Variants in COL5A1 observed in about 807,000 individuals in gnomAD.
COL5A1 encodes collagen type V alpha 1 chain.
A neutral mutation model predicts 263.7 loss-of-function variants in COL5A1; 16 were observed. That is an observed-to-expected ratio of 0.06 (90% CI 0.04 to 0.09). The LOEUF is 0.09. Ranked by LOEUF, COL5A1 falls within the 10% of genes least tolerant of loss-of-function variation. The probability of loss-of-function intolerance (pLI) is 1.00; values close to 1 mark genes in which losing one functional copy is unlikely to be tolerated. For synonymous variants in COL5A1, 1,012 were observed against 1,004.5 expected, an observed-to-expected ratio of 1.01 and a Z score of -0.14; for missense variants, 2,036 against 2,540.5, an observed-to-expected ratio of 0.80 and a Z score of 4.27.
rs1326079771 is a variant in COL5A1, at chr9:134,818,252, G to T, written c.4231-404G>T. ...AAGATGGGACGCCGTCACCCATGCA[G>T]TTGGCTTGGGGCCTGGCCCAGAGCA... On this transcript the variant is annotated intron_variant, in intron 54 of 65. Coordinates refer to ENST00000371817, the MANE Select transcript of COL5A1 (RefSeq NM_000093.5). This position sits in a 1 kb window ranked among gnomAD's most constrained non-coding sequence, Gnocchi z 6.0. 6.6e-6 allele frequency among the ~76,000 whole-genome samples: 1 copy of T among 152,228 alleles called. No individual in the cohort carries two copies.
intron 63 of COL5A1, among the ~76,000 whole-genome samples, chr9:134,828,260 C>CA (rs1839377577): frequency 6.6e-6 from 1 of 152,168 alleles, no homozygotes; most frequent in East Asian, 1.9e-4. Flanking sequence ...CTGCTGGGCC[C>CA]AGCCTGTGTG....
chr9:134,739,184 T>C (rs1420574727), intron 11 of COL5A1, among the ~76,000 whole-genome samples: 2 of 152,210 alleles, frequency 1.3e-5, no homozygotes, highest in Non-Finnish European at 2.9e-5. Flanking sequence ...CCCCCCTTGC[T>C]GGGTTTGGGA....
At chr9:134,788,279 G>A (rs1476164052) in intron 31 of COL5A1, among the ~76,000 whole-genome samples, 2 of 149,634 alleles carry the variant, frequency 1.3e-5, no homozygotes, top group Non-Finnish European at 3.0e-5. Flanking sequence ...TGGATGAATG[G>A]ATGGGTGGGC....
intron 37 of COL5A1, 107 bp from the exon 38 acceptor site, chr9:134,801,847 C>T (rs1414299016): frequency 2.0e-6 from 2 of 1,000,238 alleles, no homozygotes; most frequent in Non-Finnish European, 3.2e-6. Flanking sequence ...GGAACATCTA[C>T]TCTGGGGGGA....
At chr9:134,675,495 A>T in intron 1 of COL5A1, among the ~76,000 whole-genome samples, 1 of 152,236 alleles carries the variant, frequency 6.6e-6, no homozygotes, top group East Asian at 1.9e-4. Context: ...TTTCTGTTGT[A>T]CACATCTTGT....
At position 134,696,577 on chromosome 9, in the gene COL5A1, C is replaced by T. The variant is rs1358547860; in HGVS notation, c.278-3332C>T. 6.6e-6 allele frequency among the ~76,000 whole-genome samples: 1 copy of T among 152,184 alleles called. No homozygotes were observed. The highest frequency in any genetic ancestry group is 2.4e-5 in the African/African-American group (1 of 41,430). On this transcript the variant is annotated intron_variant, in intron 2 of 65. Transcript: ENST00000371817. This position sits in a 1 kb window ranked among gnomAD's most constrained non-coding sequence, Gnocchi z 4.3. ...GACCATATCTGTCCTTTGACTGTGTCACCCCAGCGCCTGGCACCAATCACT... is the reference window on the plus strand; with the variant it reads ...GACCATATCTGTCCTTTGACTGTGTTACCCCAGCGCCTGGCACCAATCACT...
chr9:134,730,289 G>T lies in COL5A1; in HGVS notation c.978G>T (p.Gly326=). Residue 326 remains glycine (G), a synonymous_variant, in exon 7 of 66, where the codon GGG becomes GGT. Coordinates refer to ENST00000371817, the MANE Select transcript of COL5A1 (RefSeq NM_000093.5). The part of the protein sequence containing the change: ...EAAPMPETSE[G]AGKEEDVGIG... Reference sequence around the variant, plus strand: ...CTCCCATGCCTGAAACCAGTGAAGGGGCTGGGAAGGAAGAGGACGTCGGCA... The same window carrying T: ...CTCCCATGCCTGAAACCAGTGAAGGTGCTGGGAAGGAAGAGGACGTCGGCA... 6.2e-7 allele frequency: 1 copy of T among 1,614,218 alleles called. No homozygotes were observed. The highest frequency in any genetic ancestry group is 8.5e-7 in the Non-Finnish European group (1 of 1,180,042).
chr9:134,759,287 C>CACCACACATGCACACAT (rs1836124832), intron 18 of COL5A1, among the ~76,000 whole-genome samples: 1 of 141,790 alleles, frequency 7.1e-6, no homozygotes. Flanking sequence ...CATGCACACA[C>CACCACACATGCACACAT]ACGCATACAC....
At chr9:134,679,959 C>T (rs1194904881) in intron 1 of COL5A1, among the ~76,000 whole-genome samples, 4 of 151,934 alleles carry the variant, frequency 2.6e-5, no homozygotes, top group African/African-American at 9.7e-5. Context: ...GTCAGTCCAC[C>T]CCGGGAGTGG....
At chr9:134,775,012 TC>T in intron 27 of COL5A1, 100 bp downstream of exon 27, 4 of 1,100,328 alleles carry the variant, frequency 3.6e-6, no homozygotes, top group Non-Finnish European at 5.4e-6. Context: ...TGGTTTAATG[TC>T]CCTGCTATTC....
intron 1 of COL5A1, among the ~76,000 whole-genome samples, chr9:134,663,410 C>T (rs532975994): frequency 6.6e-5 from 10 of 152,220 alleles, no homozygotes; most frequent in East Asian, 1.9e-4. Flanking sequence ...TCAGAGGCCT[C>T]GGGAGTCTGC....
chr9:134,744,468 CAT>C (rs1204317127), intron 11 of COL5A1, among the ~76,000 whole-genome samples: 1 of 151,964 alleles, frequency 6.6e-6, no homozygotes, highest in Non-Finnish European at 1.5e-5. Context: ...CTCACCTATA[CAT>C]ACACGTATGC....
intron 4 of COL5A1, among the ~76,000 whole-genome samples, chr9:134,715,495 G>T (rs895966368): frequency 1.3e-5 from 2 of 152,124 alleles, no homozygotes; most frequent in Non-Finnish European, 2.9e-5. Flanking sequence ...CTGGGGGATG[G>T]TCAAGTCTTT....
At chr9:134,782,957 C>T (rs963421209) in intron 29 of COL5A1, among the ~76,000 whole-genome samples, 1 of 152,224 alleles carries the variant, frequency 6.6e-6, no homozygotes, top group Non-Finnish European at 1.5e-5. Flanking sequence ...AACCTGTGGT[C>T]GCCAGCTCCT....
chr9:134,732,219 C>T (rs1011255149), intron 9 of COL5A1, 92 bp downstream of exon 9: 12 of 1,368,400 alleles, frequency 8.8e-6, no homozygotes, highest in Admixed American at 6.7e-5. Context: ...GTCCGTGGGC[C>T]CCTGCACCTG....
intron 53 of COL5A1, 124 bp downstream of exon 53, chr9:134,817,203 G>A (rs1220032144): frequency 2.4e-6 from 2 of 847,138 alleles, no homozygotes; most frequent in African/African-American, 1.7e-5. Flanking sequence ...GGGCTCGGGT[G>A]TGGCATGTTC....
At chr9:134,822,034 G>T (rs2132874248) in intron 58 of COL5A1, 63 bp from the exon 59 acceptor site, 1 of 1,452,228 alleles carries the variant, frequency 6.9e-7, no homozygotes, top group Non-Finnish European at 9.7e-7. Context: ...GGGTAGCAGG[G>T]TTGCAGCCCC....
chr9:134,663,965 A>T (rs1373677680), intron 1 of COL5A1, among the ~76,000 whole-genome samples: 1 of 152,218 alleles, frequency 6.6e-6, no homozygotes, highest in Non-Finnish European at 1.5e-5. Context: ...TCCAGGGGGA[A>T]GGGAACATCT....
chr9:134,763,663 C>A (rs772723806), intron 19 of COL5A1, 30 bp from the exon 20 acceptor site: 3 of 1,612,528 alleles, frequency 1.9e-6, no homozygotes, highest in Admixed American at 1.7e-5. Flanking sequence ...CAGCTCATTT[C>A]TCTAACCTTG....
Sources: gnomAD v4.1 joint callset for allele counts (sites outside exome capture counted in the v4.1 genomes callset) on GRCh38, gnomAD v4.1.1 for gene constraint, Gnocchi (gnomAD v3.1) non-coding constraint, MANE v1.5 for transcripts, NCBI Gene and HGNC (gene_info 2026-07-23, HGNC 2026-07-21) for gene names.